Variants in RPS6KC1 observed in about 807,000 individuals in gnomAD.
RPS6KC1 encodes ribosomal protein S6 kinase C1, also known as inactive ribosomal protein S6 kinase delta-1.
Under a neutral mutation model 103.8 loss-of-function variants are expected in RPS6KC1, and 54 were observed. That is an observed-to-expected ratio of 0.52 (90% CI 0.42 to 0.65). RPS6KC1 has a LOEUF of 0.65. Ranked by LOEUF, RPS6KC1 falls within the 30% of genes least tolerant of loss-of-function variation. The pLI, the probability that RPS6KC1 is intolerant of heterozygous loss-of-function variation, is 0.00. For synonymous variants in RPS6KC1, 439 were observed against 438.7 expected (o/e 1.00, Z -0.01); for missense variants, 1,151 against 1,253.8 (o/e 0.92, Z 1.24).
At chr1:213,803,554 T>C in the RPS6KC1 span, among the ~76,000 whole-genome samples, 2 of 152,160 alleles carry the variant, frequency 1.3e-5, no homozygotes, top group Non-Finnish European at 2.9e-5. Flanking sequence ...GCCAACAATG[T>C]AGTGGCTTTT....
At chr1:213,580,178 A>G in the RPS6KC1 span, among the ~76,000 whole-genome samples, 12 of 152,088 alleles carry the variant, frequency 7.9e-5, no homozygotes, top group African/African-American at 9.6e-5. Flanking sequence ...TCATGGGAGG[A>G]GGTCAAAATA....
intron 6 of RPS6KC1, among the ~76,000 whole-genome samples, chr1:213,158,962 ATAG>A (rs1210937802): frequency 1.3e-5 from 2 of 152,142 alleles, no homozygotes; most frequent in Admixed American, 1.3e-4. Flanking sequence ...TTATTATATA[ATAG>A]TAGTAGTAAT....
the RPS6KC1 span, among the ~76,000 whole-genome samples, chr1:213,793,418 T>A: frequency 6.6e-6 from 1 of 152,210 alleles, no homozygotes; most frequent in Non-Finnish European, 1.5e-5. Context: ...ATCAGAATAA[T>A]AATTAACAGG....
chr1:213,547,405 T>C, the RPS6KC1 span, among the ~76,000 whole-genome samples: 3 of 152,232 alleles, frequency 2.0e-5, no homozygotes, highest in South Asian at 2.1e-4. Flanking sequence ...GAAACTCTTA[T>C]ACAATGCTAG....
At chr1:213,699,060 A>G in the RPS6KC1 span, among the ~76,000 whole-genome samples, 5,376 of 152,186 alleles carry the variant, frequency 0.035, 348 homozygotes, top group African/African-American at 0.12. Context: ...AAACAGTCCA[A>G]TTATACTCTT....
chr1:213,741,155 G>A, the RPS6KC1 span, among the ~76,000 whole-genome samples: 2 of 151,130 alleles, frequency 1.3e-5, no homozygotes, highest in South Asian at 2.1e-4. Flanking sequence ...TATTTATGGG[G>A]TACTACGTGG....
At chr1:213,771,898 C>T in the RPS6KC1 span, among the ~76,000 whole-genome samples, 4 of 152,086 alleles carry the variant, frequency 2.6e-5, no homozygotes, top group African/African-American at 4.8e-5. Flanking sequence ...GCAGCATGAA[C>T]GATGATGAAC....
chr1:213,622,235 C>T, the RPS6KC1 span, among the ~76,000 whole-genome samples: 1 of 144,904 alleles, frequency 6.9e-6, no homozygotes, highest in African/African-American at 2.6e-5. Flanking sequence ...CAAGTAATGT[C>T]TTTTTTTTTT....
At chr1:213,120,814 C>T (rs2084296215) in intron 5 of RPS6KC1, among the ~76,000 whole-genome samples, 1 of 152,088 alleles carries the variant, frequency 6.6e-6, no homozygotes, top group Non-Finnish European at 1.5e-5. Context: ...GTTAGAGTGA[C>T]ATGGCAAGTT....
At chr1:213,189,567 T>C (rs114116481) in intron 8 of RPS6KC1, among the ~76,000 whole-genome samples, 1,704 of 152,230 alleles carry the variant, frequency 0.011, 38 homozygotes, top group African/African-American at 0.037. Context: ...ATATGAGATA[T>C]TTTGATACAG....
chr1:213,200,311 A>G (rs1374505236), intron 8 of RPS6KC1, among the ~76,000 whole-genome samples: 4 of 151,884 alleles, frequency 2.6e-5, no homozygotes, highest in African/African-American at 9.7e-5. Flanking sequence ...AACAGAATAG[A>G]GAACCCAGAA....
the RPS6KC1 span, among the ~76,000 whole-genome samples, chr1:213,720,596 G>A: frequency 6.6e-6 from 1 of 152,204 alleles, no homozygotes; most frequent in South Asian, 2.1e-4. Flanking sequence ...AAAATGTCAG[G>A]AGAACTTGTT....
chr1:213,054,115 C>T (rs1023977065), intron 1 of RPS6KC1, among the ~76,000 whole-genome samples: 5 of 152,168 alleles, frequency 3.3e-5, no homozygotes, highest in Admixed American at 6.5e-5. Flanking sequence ...GGATTACAGG[C>T]GTGAGCCACC....
chr1:213,646,148 G>C, the RPS6KC1 span, among the ~76,000 whole-genome samples: 1 of 152,168 alleles, frequency 6.6e-6, no homozygotes, highest in African/African-American at 2.4e-5. Context: ...CATTAAGAAG[G>C]GGCAGTTCCC....
At chr1:213,129,323 A>G (rs570788547) in intron 5 of RPS6KC1, among the ~76,000 whole-genome samples, 2 of 152,316 alleles carry the variant, frequency 1.3e-5, no homozygotes, top group South Asian at 4.1e-4. Flanking sequence ...TGATTAAGGC[A>G]AGAAGTTGTC....
chr1:213,545,420 TA>T, the RPS6KC1 span, among the ~76,000 whole-genome samples: 5 of 73,342 alleles, frequency 6.8e-5, no homozygotes, highest in Non-Finnish European at 1.3e-4. Flanking sequence ...ATAAATAAAA[TA>T]AAATAAAATA....
the RPS6KC1 span, among the ~76,000 whole-genome samples, chr1:213,752,860 G>C: frequency 6.6e-6 from 1 of 152,106 alleles, no homozygotes. Flanking sequence ...TCCTTCCCCT[G>C]CTATGTTATA....
At chr1:213,118,611 C>T (rs931287855) in intron 5 of RPS6KC1, among the ~76,000 whole-genome samples, 1 of 151,858 alleles carries the variant, frequency 6.6e-6, no homozygotes, top group East Asian at 1.9e-4. Context: ...GTAAGAGCAA[C>T]GTGTTCTTAT....
chr1:213,802,760 T>C, the RPS6KC1 span, among the ~76,000 whole-genome samples: 1 of 152,158 alleles, frequency 6.6e-6, no homozygotes, highest in Non-Finnish European at 1.5e-5. Context: ...GAAAGATACA[T>C]GGGTTTGTCT....
Sources: gnomAD v4.1 joint callset for allele counts (sites outside exome capture counted in the v4.1 genomes callset) on GRCh38, gnomAD v4.1.1 for gene constraint, MANE v1.5 for transcripts, NCBI Gene and HGNC (gene_info 2026-07-23, HGNC 2026-07-21) for gene names.